Variants in BRF1 observed in about 807,000 individuals in gnomAD.
BRF1 encodes transcription factor IIIB 90 kDa subunit.
A neutral mutation model predicts 81.7 loss-of-function variants in BRF1; 59 were observed. The ratio of observed to expected loss-of-function variants is 0.72; its 90% CI spans 0.59 to 0.90. The LOEUF is 0.90. BRF1 is among the 40% of genes least tolerant of loss of function. BRF1 has a pLI of 0.00. For synonymous variants in BRF1, 491 were observed against 395.6 expected (o/e 1.24, Z -2.86); for missense variants, 1,050 against 936.3 (o/e 1.12, Z -1.58).
At chr14:105,211,958 C>A in intron 16 of BRF1, 155 bp downstream of exon 16, 1 of 1,169,372 alleles carries the variant, frequency 8.6e-7, no homozygotes, top group Non-Finnish European at 1.2e-6. Flanking sequence ...CCTCGGGCCT[C>A]GATTCTCTGG....
chr14:105,211,179 G>T lies in BRF1; in HGVS notation c.1939C>A (p.Pro647Thr), dbSNP rs1014529944. The change falls in exon 17 of 18, where the codon CCT becomes ACT. Residue 647 changes from proline (P) to threonine (T), a missense_variant. Pro to Thr is a conservative substitution (Grantham distance 38). Transcript: ENST00000547530. ...CAGGGCTCCCCGTCCTCCTCGTCAG[G>T]CTCCTCCTCGTCAGCCTCCTCGTCG... ...HADEEADEEE[P>T]DEEDGEPCVS... 4 of 1,612,238 alleles carry T rather than the reference G, an allele frequency of 2.5e-6. No individual in the cohort carries two copies. Among genetic ancestry groups the T allele is most frequent in the Non-Finnish European group, 3.4e-6 (4 of 1,179,888 alleles).
At chr14:105,260,098 C>T (rs954285527) in intron 3 of BRF1, among the ~76,000 whole-genome samples, 1 of 152,106 alleles carries the variant, frequency 6.6e-6, no homozygotes, top group South Asian at 2.1e-4. Flanking sequence ...GACGGGTGAC[C>T]GTTTGTCAGA....
chr14:105,252,428 C>T, intron 5 of BRF1, 79 bp downstream of exon 5: 2 of 1,548,114 alleles, frequency 1.3e-6, no homozygotes, highest in Non-Finnish European at 1.7e-6. Flanking sequence ...GGATTTCCCT[C>T]CACTGTTCAA....
intron 10 of BRF1, chr14:105,222,462 AC>A (rs1427585336): frequency 6.6e-6 from 1 of 152,312 alleles, no homozygotes; most frequent in Non-Finnish European, 1.5e-5. Context: ...ATATACAAAG[AC>A]CTCCAGTCCT....
intron 2 of BRF1, among the ~76,000 whole-genome samples, chr14:105,281,819 A>G (rs1168374924): frequency 6.6e-6 from 1 of 151,892 alleles, no homozygotes; most frequent in East Asian, 1.9e-4. Flanking sequence ...GCCAGTGGGC[A>G]GCAGGTGCTT....
intron 5 of BRF1, chr14:105,246,856 C>G (rs2055149275): frequency 1.0e-6 from 1 of 985,392 alleles, no homozygotes; most frequent in Non-Finnish European, 1.2e-6. Flanking sequence ...CAGATCAAGA[C>G]GCTGACTACC....
At chr14:105,255,029 G>A (rs1347352675) in intron 4 of BRF1, among the ~76,000 whole-genome samples, 1 of 152,240 alleles carries the variant, frequency 6.6e-6, no homozygotes, top group Non-Finnish European at 1.5e-5. Flanking sequence ...GATTCTGCCT[G>A]CAGACTGCCC....
Position 105,314,997 on chromosome 14 carries a change from A to G in BRF1, c.-162+325T>C, listed in dbSNP as rs970691446. ...GCCCGTGCCCATGAACCTGTTCGCC[A>G]CCTGGGAGGTGGACGGCTCCAGCCC... On this transcript the variant is annotated intron_variant, in intron 1 of 17. Coordinates refer to the BRF1 transcript ENST00000327359. 2.5e-4 allele frequency: 313 copies of G among 1,251,354 alleles called. 4 individuals carry two copies. Among genetic ancestry groups the G allele is most frequent in the Non-Finnish European group, 3.4e-5 (33 of 977,528 alleles). 77.5% of individuals were successfully genotyped at this position (1,251,354 alleles called of 1,614,324 possible). A position where few individuals can be genotyped will look rare whatever the true frequency, so the allele number is the denominator to read the frequency against.
In BRF1 at chr14:105,269,348, G is replaced by A. The variant is rs1313523329; in HGVS notation, c.439+3373C>T. On this transcript the variant is annotated intron_variant, in intron 3 of 17. Coordinates refer to ENST00000547530, the MANE Select transcript of BRF1 (RefSeq NM_001519.4). This position sits in a 1 kb window ranked among gnomAD's most constrained non-coding sequence, Gnocchi z 5.0. The stretch of plus-strand genomic sequence containing the variant: ...CCAGCAGCCAGAGGGGATAGAGTGC[G>A]GCCTCCCGTGAGCACAGTCCTGTTC... 6.6e-6 allele frequency among the ~76,000 whole-genome samples: 1 copy of A among 152,130 alleles called. No homozygotes were observed. The highest frequency in any genetic ancestry group is 2.4e-5 in the African/African-American group (1 of 41,438).
Position 105,214,749 on chromosome 14 carries a change from G to A in BRF1, c.1773-2585C>T, listed in dbSNP as rs141059672. Among the ~76,000 whole-genome samples, 18 of 152,350 alleles carry A rather than the reference G, an allele frequency of 1.2e-4. No individual in the cohort carries two copies. In the East Asian group the frequency reaches 3.5e-3, roughly 29 times the overall value. The stretch of plus-strand genomic sequence containing the variant: ...GGCCACCCAAGGCAGCACAGCTGCT[G>A]CTGAGGAACGCTGTGGTCGCTGGGC... On this transcript the variant is annotated intron_variant, in intron 15 of 17. Coordinates refer to ENST00000547530, the MANE Select transcript of BRF1 (RefSeq NM_001519.4).
chr14:105,270,381 TAGAC>T (rs2056605465), intron 3 of BRF1, among the ~76,000 whole-genome samples: 1 of 151,938 alleles, frequency 6.6e-6, no homozygotes, highest in Admixed American at 6.5e-5. Flanking sequence ...TTCATGGTGT[TAGAC>T]AGGATGGTCT....
chr14:105,263,549 G>A (rs1480380443), intron 3 of BRF1, among the ~76,000 whole-genome samples: 1 of 152,132 alleles, frequency 6.6e-6, no homozygotes, highest in Non-Finnish European at 1.5e-5. Flanking sequence ...GTCCTGCCAC[G>A]ATCCTTCAGC....
intron 6 of BRF1, among the ~76,000 whole-genome samples, chr14:105,229,279 G>C (rs587646788): frequency 4.6e-5 from 7 of 152,390 alleles, no homozygotes; most frequent in Non-Finnish European, 8.8e-5. Flanking sequence ...GGGCAGGAAA[G>C]GGGCGAGGCC....
intron 3 of BRF1, among the ~76,000 whole-genome samples, chr14:105,267,775 G>A (rs1185505528): frequency 6.6e-6 from 1 of 152,240 alleles, no homozygotes; most frequent in Non-Finnish European, 1.5e-5. Flanking sequence ...GTGGCAGAAG[G>A]AGGTGCTGGC....
Position 105,286,457 on chromosome 14 carries a change from A to C in BRF1, c.185-81T>G. The C allele has an allele frequency of 1.4e-6, 2 of 1,423,380 alleles. 1 individual carries two copies. Among genetic ancestry groups the C allele is most frequent in the South Asian group, 2.4e-5 (2 of 81,894 alleles). 88.2% of individuals were successfully genotyped at this position (1,423,380 alleles called of 1,614,324 possible). On this transcript the variant is annotated intron_variant, in intron 1 of 17. Transcript: ENST00000547530. The stretch of plus-strand genomic sequence containing the variant: ...CCTTTCCTAACATCCACAGACACAA[A>C]GTGAGAACAAAGCGGGGGTCAGCAC...
At chr14:105,293,581 G>A (rs1395545940) in intron 1 of BRF1, among the ~76,000 whole-genome samples, 7 of 152,220 alleles carry the variant, frequency 4.6e-5, no homozygotes, top group Non-Finnish European at 1.0e-4. Context: ...ACACTGATGT[G>A]GGCTCACAGG....
intron 15 of BRF1, chr14:105,212,424 C>T (rs1890267784): frequency 4.2e-6 from 2 of 471,462 alleles, no homozygotes; most frequent in Non-Finnish European, 7.7e-6. Context: ...GCTCCCCAGC[C>T]CACTCCCCTT....
chr14:105,245,055 T>A (rs2054990884), intron 5 of BRF1, among the ~76,000 whole-genome samples: 1 of 152,130 alleles, frequency 6.6e-6, no homozygotes, highest in Non-Finnish European at 1.5e-5. Flanking sequence ...CTCAAGCGCT[T>A]TGTGTATTTA....
Position 105,271,760 on chromosome 14 carries a change from GCA to G in BRF1, c.439+959_439+960del. On this transcript the variant is annotated intron_variant, in intron 3 of 17. Coordinates refer to ENST00000547530, the MANE Select transcript of BRF1 (RefSeq NM_001519.4). The surrounding 1 kb of genome is among the most constrained non-coding windows in gnomAD (Gnocchi z 5.5). ...GGCAGCAGTGGGCACAGGACCAGAT[GCA>G]CAGAGACCAGTGCAAGAGAACACCA... Among the ~76,000 whole-genome samples, 8 of 152,360 alleles carry G rather than the reference GCA, an allele frequency of 5.3e-5. 1 individual carries two copies. The South Asian group carries it at 1.7e-3, about 32-fold the overall frequency.
Sources: gnomAD v4.1 joint callset for allele counts (sites outside exome capture counted in the v4.1 genomes callset) on GRCh38, gnomAD v4.1.1 for gene constraint, Gnocchi (gnomAD v3.1) non-coding constraint, MANE v1.5 for transcripts, NCBI Gene and HGNC (gene_info 2026-07-23, HGNC 2026-07-21) for gene names.